TIRAP: variants seen among roughly 807,000 people sequenced by gnomAD.
TIRAP encodes toll/interleukin-1 receptor domain-containing adapter protein.
Under a neutral mutation model 19.8 loss-of-function variants are expected in TIRAP, and 20 were observed. The observed-to-expected ratio is 1.01, with a 90% CI of 0.71 to 1.47. TIRAP has a LOEUF of 1.47. Among genes scored for constraint, TIRAP ranks in the 40% most tolerant of loss-of-function variants. TIRAP has a pLI of 0.00. For synonymous variants in TIRAP, 125 were observed against 121.7 expected (o/e 1.03, Z -0.18); for missense variants, 276 against 285.1 (o/e 0.97, Z 0.23).
At chr11:126,286,865 G>T (rs929984746) in intron 1 of TIRAP, among the ~76,000 whole-genome samples, 1 of 152,168 alleles carries the variant, frequency 6.6e-6, no homozygotes, top group East Asian at 1.9e-4. Flanking sequence ...CAGCAAGGCC[G>T]TGCTCCTTCT....
In TIRAP at chr11:126,287,509, C is replaced by A. The variant is rs1344398809; in HGVS notation, c.-216-2953C>A. ...CTAATTTTTGTATTTTTAGTAGAGA[C>A]AGGGTTTCACCATGTTGGCCAGGCT... On this transcript the variant is annotated intron_variant, in intron 1 of 4. Transcript: ENST00000392679. This position sits in a 1 kb window ranked among gnomAD's most constrained non-coding sequence, Gnocchi z 4.2. Among the ~76,000 whole-genome samples the A allele has an allele frequency of 3.3e-5, 5 of 152,020 alleles. No homozygotes were observed. Among genetic ancestry groups the A allele is most frequent in the Admixed American group, 3.3e-4 (5 of 15,246 alleles).
At position 126,287,697 on chromosome 11, in the gene TIRAP, T is replaced by C. The variant is rs80033271; in HGVS notation, c.-216-2765T>C. The stretch of plus-strand genomic sequence containing the variant: ...TGCACATAATATTGGAAAAGCATTC[T>C]AGAAAGCACTAAAGGTATTGTGCTA... On this transcript the variant is annotated intron_variant, in intron 1 of 4. Coordinates refer to ENST00000392679, the MANE Select transcript of TIRAP (RefSeq NM_001318777.2). The surrounding 1 kb of genome is among the most constrained non-coding windows in gnomAD (Gnocchi z 4.2). Among the ~76,000 whole-genome samples the C allele has an allele frequency of 3.9e-5, 6 of 152,210 alleles. No homozygotes were observed. The highest frequency in any genetic ancestry group is 1.3e-4 in the Admixed American group (2 of 15,286).
intron 1 of TIRAP, among the ~76,000 whole-genome samples, chr11:126,285,557 G>A (rs2135283069): frequency 6.6e-6 from 1 of 151,844 alleles, no homozygotes; most frequent in South Asian, 2.1e-4. Flanking sequence ...ACTGTGCCCA[G>A]CCCTGGATAT....
intron 1 of TIRAP, among the ~76,000 whole-genome samples, chr11:126,285,246 T>TATATATATATATATATAA: frequency 6.9e-6 from 1 of 145,584 alleles, no homozygotes; most frequent in Non-Finnish European, 1.5e-5. Flanking sequence ...TGTGTGTGTA[T>TATATATATATATATATAA]ATATATATAT....
In TIRAP at chr11:126,290,820, G is replaced by A. The variant is rs1951372461; in HGVS notation, c.-75G>A. 7 of 1,536,902 alleles carry A rather than the reference G, an allele frequency of 4.6e-6. No individual in the cohort carries two copies. Among genetic ancestry groups the A allele is most frequent in the Admixed American group, 4.5e-5 (2 of 44,938 alleles). ...CTCTGTAGGATGGCTGCTCCATGAG[G>A]TCAAGACTGGGTCTCCTCCCTCCTC... On this transcript the variant is annotated 5_prime_UTR_variant, in exon 3 of 5. Transcript: ENST00000392679. This position sits in a 1 kb window ranked among gnomAD's most constrained non-coding sequence, Gnocchi z 4.9.
intron 1 of TIRAP, among the ~76,000 whole-genome samples, chr11:126,283,776 G>C (rs936736642): frequency 1.3e-5 from 2 of 152,170 alleles, no homozygotes; most frequent in Non-Finnish European, 2.9e-5. Flanking sequence ...GAGAACTCCC[G>C]TTGAAACACC....
At chr11:126,285,073 C>A (rs1951303423) in intron 1 of TIRAP, among the ~76,000 whole-genome samples, 1 of 151,800 alleles carries the variant, frequency 6.6e-6, no homozygotes, top group Non-Finnish European at 1.5e-5. Context: ...TTTTAGTTTG[C>A]ATTTCTCTGA....
In TIRAP at chr11:126,291,908, A is replaced by G. The variant is rs1951394182; in HGVS notation, c.68-569A>G. Among the ~76,000 whole-genome samples, 1 of 151,894 alleles carries G rather than the reference A, an allele frequency of 6.6e-6. No individual in the cohort carries two copies. The highest frequency in any genetic ancestry group is 6.6e-5 in the Admixed American group (1 of 15,258). Reference sequence around the variant, plus strand: ...GGAGTAGTGCAAGGCCATTTCTCTTAACCAGGCTGGTGGAACACTCTCACA... The same window carrying G: ...GGAGTAGTGCAAGGCCATTTCTCTTGACCAGGCTGGTGGAACACTCTCACA... On this transcript the variant is annotated intron_variant, in intron 3 of 4. Coordinates refer to ENST00000392679, the MANE Select transcript of TIRAP (RefSeq NM_001318777.2). This position sits in a 1 kb window ranked among gnomAD's most constrained non-coding sequence, Gnocchi z 5.6.
intron 4 of TIRAP, 113 bp downstream of exon 4, chr11:126,293,168 A>G (rs1951429399): frequency 1.9e-6 from 3 of 1,570,424 alleles, no homozygotes; most frequent in Non-Finnish European, 2.6e-6. Flanking sequence ...AGCTTCTGGA[A>G]AAGGCTGTCG....
chr11:126,285,243 G>A (rs370908354), intron 1 of TIRAP, among the ~76,000 whole-genome samples: 1 of 106,974 alleles, frequency 9.3e-6, no homozygotes, highest in Non-Finnish European at 1.9e-5. Flanking sequence ...GTGTGTGTGT[G>A]TATATATATA....
In TIRAP at chr11:126,294,700, C is replaced by T; in HGVS notation, c.*1013C>T. 2.9e-6 allele frequency: 1 copy of T among 349,628 alleles called. No homozygotes were observed. The highest frequency in any genetic ancestry group is 2.2e-5 in the South Asian group (1 of 46,078). The allele number at this position is 349,628 out of a possible 1,614,324, so 21.7% of individuals were successfully genotyped here. ...TTTCCTCCAATGTGTACTTTTGTGC[C>T]CCCCTCTCACTTCTCCCTATCATGA... On this transcript the variant is annotated 3_prime_UTR_variant, in exon 5 of 5. Transcript: ENST00000392679.
rs764540927 is a variant in TIRAP at position 126,292,544 on chromosome 11, C to T, written c.135C>T (p.Ser45=). Residue 45 remains serine, a synonymous_variant, in exon 4 of 5, where the codon AGC becomes AGT. Coordinates refer to ENST00000392679, the MANE Select transcript of TIRAP (RefSeq NM_001318777.2). ...KRPNSPESTS[S]DASQPTSQDS... ...CCAACTCCCCAGAAAGCACCTCCAG[C>T]GATGCTTCACAGCCTACCTCACAGG... The T allele has an allele frequency of 6.8e-6, 11 of 1,613,960 alleles. No individual in the cohort carries two copies. The East Asian group carries it at 8.9e-5, about 13-fold the overall frequency.
chr11:126,287,189 C>T lies in TIRAP; in HGVS notation c.-216-3273C>T, dbSNP rs1043314601. Among the ~76,000 whole-genome samples the T allele has an allele frequency of 2.0e-5, 3 of 152,176 alleles. No homozygotes were observed. Among genetic ancestry groups the T allele is most frequent in the African/African-American group, 7.2e-5 (3 of 41,438 alleles). On this transcript the variant is annotated intron_variant, in intron 1 of 4. Transcript: ENST00000392679. The surrounding 1 kb of genome is among the most constrained non-coding windows in gnomAD (Gnocchi z 4.2). The stretch of plus-strand genomic sequence containing the variant: ...TGTCTACCCCAGATAGTGATTCCTG[C>T]TTAACAGAAATCGAATATGAACTCT...
rs1481421623 is a variant in TIRAP at position 126,293,814 on chromosome 11, C to T, written c.*127C>T. The T allele has an allele frequency of 2.8e-6, 3 of 1,070,262 alleles. No individual in the cohort carries two copies. The highest frequency in any genetic ancestry group is 1.6e-5 in the African/African-American group (1 of 64,420). The allele number at this position is 1,070,262 out of a possible 1,614,324, so 66.3% of individuals were successfully genotyped here. On this transcript the variant is annotated 3_prime_UTR_variant, in exon 5 of 5. Transcript: ENST00000392679. ...GTGAGTCACAGCGCTTTGCTCGTGA[C>T]CCTGGGATCAGAGCACCCATCAGGC...
In TIRAP at chr11:126,290,234, C is replaced by T. The variant is rs1010489714; in HGVS notation, c.-216-228C>T. 3.3e-5 allele frequency among the ~76,000 whole-genome samples: 5 copies of T among 152,142 alleles called. No individual in the cohort carries two copies. Among genetic ancestry groups the T allele is most frequent in the African/African-American group, 1.2e-4 (5 of 41,426 alleles). On this transcript the variant is annotated intron_variant, in intron 1 of 4. Coordinates refer to ENST00000392679, the MANE Select transcript of TIRAP (RefSeq NM_001318777.2). The surrounding 1 kb of genome is among the most constrained non-coding windows in gnomAD (Gnocchi z 4.9). ...CGGTTAACCAGAGATGAGAATCAGG[C>T]ACTCTACCTGCAGTCTGCAGTCTGT...
chr11:126,288,274 G>A lies in TIRAP; in HGVS notation c.-216-2188G>A, dbSNP rs539320450. Among the ~76,000 whole-genome samples the A allele has an allele frequency of 7.2e-5, 11 of 152,346 alleles. No homozygotes were observed. The highest frequency in any genetic ancestry group is 2.2e-4 in the African/African-American group (9 of 41,576). On this transcript the variant is annotated intron_variant, in intron 1 of 4. Coordinates refer to ENST00000392679, the MANE Select transcript of TIRAP (RefSeq NM_001318777.2). This position sits in a 1 kb window ranked among gnomAD's most constrained non-coding sequence, Gnocchi z 5.0. The stretch of plus-strand genomic sequence containing the variant: ...AATTTTTTCAAAGCACAAAGAAAGC[G>A]ACTGCGTATTAGACCACACAGCAAA...
Position 126,290,578 on chromosome 11 carries a change from C to T in TIRAP, c.-100C>T. On this transcript the variant is annotated 5_prime_UTR_variant, in exon 2 of 5. Transcript: ENST00000392679. The surrounding 1 kb of genome is among the most constrained non-coding windows in gnomAD (Gnocchi z 4.9). ...GTTCCTCAGCTGGTCATGCTGAGCTCATACCCTGTAAGTCTGACCACACTA... is the reference window on the plus strand; with the variant it reads ...GTTCCTCAGCTGGTCATGCTGAGCTTATACCCTGTAAGTCTGACCACACTA... 1 of 1,096,976 alleles carries T rather than the reference C, an allele frequency of 9.1e-7. No homozygotes were observed. The highest frequency in any genetic ancestry group is 1.1e-6 in the Non-Finnish European group (1 of 902,610). The allele number at this position is 1,096,976 out of a possible 1,614,324, so 68.0% of individuals were successfully genotyped here.
chr11:126,283,429 T>G (rs190295653), intron 1 of TIRAP, among the ~76,000 whole-genome samples: 2 of 152,360 alleles, frequency 1.3e-5, no homozygotes, highest in East Asian at 3.9e-4. Context: ...CGGCTCCCCT[T>G]TCGCTTGCCT....
At chr11:126,283,213 C>A in intron 1 of TIRAP, 60 bp downstream of exon 1, 1 of 912,750 alleles carries the variant, frequency 1.1e-6, no homozygotes, top group Non-Finnish European at 1.3e-6. Flanking sequence ...GTGGGGTGGG[C>A]GACGGAGCGC....
Sources: gnomAD v4.1 joint callset for allele counts (sites outside exome capture counted in the v4.1 genomes callset) on GRCh38, gnomAD v4.1.1 for gene constraint, Gnocchi (gnomAD v3.1) non-coding constraint, MANE v1.5 for transcripts, NCBI Gene and HGNC (gene_info 2026-07-23, HGNC 2026-07-21) for gene names.